The following CABIN1 variants were observed in gnomAD, a reference collection of about 807,000 sequenced individuals.
The protein encoded by CABIN1 is calcineurin-binding protein cabin-1.
CABIN1 carries 133 observed loss-of-function variants against 227.7 expected under a neutral mutation model. That is an observed-to-expected ratio of 0.58 (90% CI 0.51 to 0.67). The LOEUF (loss-of-function observed/expected upper bound fraction) is 0.67, where lower values mean the gene tolerates loss of function less well. CABIN1 is among the 30% of genes least tolerant of loss of function. The pLI, the probability that CABIN1 is intolerant of heterozygous loss-of-function variation, is 0.00. For missense variants in CABIN1, 2,408 were observed against 2,852.5 expected (o/e 0.84, Z 3.55); for synonymous variants, 1,086 against 1,155.1 (o/e 0.94, Z 1.21).
chr22:24,065,122 C>T (rs1442650248), intron 15 of CABIN1, among the ~76,000 whole-genome samples: 26 of 150,638 alleles, frequency 1.7e-4, no homozygotes, highest in East Asian at 6.0e-4. Context: ...ACCTCCCAGA[C>T]GGGGCGGCTG....
intron 6 of CABIN1, among the ~76,000 whole-genome samples, chr22:24,048,374 G>T (rs935942417): frequency 6.6e-6 from 1 of 152,084 alleles, no homozygotes; most frequent in Non-Finnish European, 1.5e-5. Context: ...TGTGGAATTG[G>T]ACATACTTTA....
At chr22:24,138,842 C>T (rs1411990901) in intron 29 of CABIN1, among the ~76,000 whole-genome samples, 2 of 152,212 alleles carry the variant, frequency 1.3e-5, no homozygotes, top group African/African-American at 2.4e-5. Flanking sequence ...CTAAACCCAA[C>T]AAGGCCTGTC....
intron 12 of CABIN1, 70 bp downstream of exon 12, chr22:24,060,211 G>C: frequency 7.1e-7 from 1 of 1,400,152 alleles, no homozygotes; most frequent in Non-Finnish European, 1.0e-6. Flanking sequence ...TCTTGCATGG[G>C]TGTGGGGCTG....
intron 12 of CABIN1, among the ~76,000 whole-genome samples, chr22:24,061,406 C>T (rs2146412735): frequency 6.6e-6 from 1 of 152,360 alleles, no homozygotes; most frequent in African/African-American, 2.4e-5. Flanking sequence ...TGGGCACCCT[C>T]CACTGAGTTA....
At chr22:24,091,885 C>T in intron 24 of CABIN1, 42 bp downstream of exon 24, 1 of 1,606,278 alleles carries the variant, frequency 6.2e-7, no homozygotes, top group South Asian at 1.1e-5. Context: ...AGGGCAGGGG[C>T]AGGCTGGTTT....
At chr22:24,104,120 T>G (rs772849493) in intron 26 of CABIN1, among the ~76,000 whole-genome samples, 1 of 152,114 alleles carries the variant, frequency 6.6e-6, no homozygotes, top group South Asian at 2.1e-4. Context: ...TTGGGCTCTT[T>G]CCTGTGGGCA....
chr22:24,169,128 G>A (rs1391212214), intron 33 of CABIN1, among the ~76,000 whole-genome samples: 1 of 152,088 alleles, frequency 6.6e-6, no homozygotes, highest in African/African-American at 2.4e-5. Flanking sequence ...GGCCCCTCCT[G>A]GGAGGACCCC....
At chr22:24,066,853 A>G (rs538938930) in intron 15 of CABIN1, 134 bp from the exon 16 acceptor site, 120 of 812,228 alleles carry the variant, frequency 1.5e-4, no homozygotes, top group Non-Finnish European at 2.4e-4. Context: ...GAGGAATCTA[A>G]TTTTTTTTGG....
At chr22:24,062,135 A>G (rs888237642) in intron 13 of CABIN1, 110 bp downstream of exon 13, 1 of 891,720 alleles carries the variant, frequency 1.1e-6, no homozygotes, top group Non-Finnish European at 1.8e-6. Context: ...TATCTACAGT[A>G]GGCACATTTT....
intron 34 of CABIN1, among the ~76,000 whole-genome samples, chr22:24,173,714 A>G (rs1245120608): frequency 6.6e-6 from 1 of 152,160 alleles, no homozygotes; most frequent in African/African-American, 2.4e-5. Flanking sequence ...GGTACCTGTA[A>G]TCCCACCTAC....
chr22:24,096,133 C>T lies in CABIN1; in HGVS notation c.3938+51C>T, dbSNP rs746599463. ...CTAGCAGCTTACCCCATCTGCATCC[C>T]AGATGGCTCGTTTACTGCAATGTGT... is the stretch of plus-strand genomic sequence containing the variant. On this transcript the variant is annotated intron_variant, in intron 25 of 36. Transcript: ENST00000263119. 6.9e-6 allele frequency: 11 copies of T among 1,599,962 alleles called. No individual in the cohort carries two copies. The East Asian group carries it at 2.2e-4, about 32-fold the overall frequency.
intron 28 of CABIN1, among the ~76,000 whole-genome samples, chr22:24,133,986 G>A (rs557183418): frequency 6.6e-6 from 1 of 152,346 alleles, no homozygotes; most frequent in South Asian, 2.1e-4. Flanking sequence ...CCTGACAGAA[G>A]GCGGGTACTG....
At chr22:24,168,028 C>T (rs2046556485) in intron 32 of CABIN1, among the ~76,000 whole-genome samples, 1 of 152,240 alleles carries the variant, frequency 6.6e-6, no homozygotes, top group Non-Finnish European at 1.5e-5. Flanking sequence ...GCAACTGAGC[C>T]TCAGCTGAAT....
chr22:24,129,563 C>T (rs1310056293), intron 28 of CABIN1, among the ~76,000 whole-genome samples: 1 of 152,214 alleles, frequency 6.6e-6, no homozygotes, highest in Non-Finnish European at 1.5e-5. Flanking sequence ...TTCATTCTTC[C>T]TGTGGGCAAC....
chr22:24,015,640 G>T (rs1039576580), intron 1 of CABIN1, among the ~76,000 whole-genome samples: 5 of 151,760 alleles, frequency 3.3e-5, no homozygotes, highest in African/African-American at 1.2e-4. Context: ...CACTGCGCCC[G>T]GCCCCTCATT....
At chr22:24,020,369 C>G (rs370717308) in intron 1 of CABIN1, among the ~76,000 whole-genome samples, 2 of 151,954 alleles carry the variant, frequency 1.3e-5, no homozygotes, top group African/African-American at 2.4e-5. Context: ...TCACCCAGGC[C>G]GGCATACAGT....
intron 29 of CABIN1, among the ~76,000 whole-genome samples, chr22:24,150,894 T>G (rs1471709387): frequency 6.6e-6 from 1 of 152,202 alleles, no homozygotes; most frequent in Non-Finnish European, 1.5e-5. Context: ...GTGGGAGGCC[T>G]TGGTGCCGTA....
chr22:24,151,643 T>C (rs1241903817), intron 29 of CABIN1, among the ~76,000 whole-genome samples: 2 of 152,176 alleles, frequency 1.3e-5, no homozygotes, highest in East Asian at 3.9e-4. Context: ...AGGGAGGCTC[T>C]TGATTCCATC....
At chr22:24,024,986 G>A (rs2035980766) in intron 1 of CABIN1, among the ~76,000 whole-genome samples, 1 of 152,022 alleles carries the variant, frequency 6.6e-6, no homozygotes, top group African/African-American at 2.4e-5. Flanking sequence ...TTTTTGACTA[G>A]TAATTTCAGT....
Sources: gnomAD v4.1 joint callset for allele counts (sites outside exome capture counted in the v4.1 genomes callset) on GRCh38, gnomAD v4.1.1 for gene constraint, MANE v1.5 for transcripts, NCBI Gene and HGNC (gene_info 2026-07-23, HGNC 2026-07-21) for gene names.